KAZN: variants seen among roughly 807,000 people sequenced by gnomAD.
The protein encoded by KAZN is kazrin.
KAZN carries 40 observed loss-of-function variants against 87.4 expected under a neutral mutation model. The ratio of observed to expected loss-of-function variants is 0.46; its 90% CI spans 0.36 to 0.60. The LOEUF (loss-of-function observed/expected upper bound fraction) is 0.60, where lower values mean the gene tolerates loss of function less well. Ranked by LOEUF, KAZN falls within the 20% of genes least tolerant of loss-of-function variation. KAZN has a pLI of 0.00. For synonymous variants in KAZN, 466 were observed against 458.3 expected, an observed-to-expected ratio of 1.02 and a Z score of -0.22; for missense variants, 898 against 1,073.9, an observed-to-expected ratio of 0.84 and a Z score of 2.29.
At position 13,969,746 on chromosome 1, in the gene KAZN, C is replaced by T. The variant is rs568212525; in HGVS notation, c.91+75990C>T. Among the ~76,000 whole-genome samples, 3 of 152,232 alleles carry T rather than the reference C, an allele frequency of 2.0e-5. No homozygotes were observed. In the East Asian group the frequency reaches 5.8e-4, roughly 29 times the overall value. ...GGCTGAGGTTCCATGTGACACCAGT[C>T]TTCACTTGGATAGGAAATGACTAGG... On this transcript the variant is annotated intron_variant, in intron 1 of 16. Coordinates refer to the KAZN transcript ENST00000636203.
At chr1:14,818,126 T>A (rs1319881354) in intron 1 of KAZN, among the ~76,000 whole-genome samples, 1 of 152,256 alleles carries the variant, frequency 6.6e-6, no homozygotes, top group African/African-American at 2.4e-5. Flanking sequence ...CTCACCTTAA[T>A]TGCTGCTGGG....
rs1392496510 is a variant in KAZN, at chr1:14,599,526, C to T, written c.226+303C>T. 6.6e-6 allele frequency among the ~76,000 whole-genome samples: 1 copy of T among 152,154 alleles called. No homozygotes were observed. The highest frequency in any genetic ancestry group is 2.4e-5 in the African/African-American group (1 of 41,462). On this transcript the variant is annotated intron_variant, in intron 1 of 14. Coordinates refer to ENST00000376030, the MANE Select transcript of KAZN (RefSeq NM_201628.3). The surrounding 1 kb of genome is among the most constrained non-coding windows in gnomAD (Gnocchi z 4.4). Reference sequence around the variant, plus strand: ...TCAGAAAGTGCCCTTTCCGTGGCACCAGCCCCCTAGCTCCGTGCAAACTTT... The same window carrying T: ...TCAGAAAGTGCCCTTTCCGTGGCACTAGCCCCCTAGCTCCGTGCAAACTTT...
At chr1:14,399,406 T>C (rs529192227) in intron 2 of KAZN, among the ~76,000 whole-genome samples, 1 of 152,240 alleles carries the variant, frequency 6.6e-6, no homozygotes, top group East Asian at 1.9e-4. Context: ...TCTTAGGTAG[T>C]AGTGTTCTAT....
chr1:13,942,344 T>A (rs890032100), intron 1 of KAZN, among the ~76,000 whole-genome samples: 8 of 150,228 alleles, frequency 5.3e-5, no homozygotes, highest in Non-Finnish European at 1.2e-4. Flanking sequence ...ATCGAGACCA[T>A]CCTGGCTAAC....
intron 1 of KAZN, among the ~76,000 whole-genome samples, chr1:14,082,820 T>C (rs1643730339): frequency 6.6e-6 from 1 of 152,230 alleles, no homozygotes; most frequent in Non-Finnish European, 1.5e-5. Context: ...CAGATTGGTC[T>C]CACCTCTCTA....
chr1:14,534,576 C>T (rs953292590), intron 2 of KAZN, among the ~76,000 whole-genome samples: 13 of 152,004 alleles, frequency 8.6e-5, no homozygotes, highest in Admixed American at 2.6e-4. Context: ...ACCCAGGAGG[C>T]GGAGGTTGCA....
chr1:14,359,369 T>C (rs1557661610), intron 2 of KAZN, among the ~76,000 whole-genome samples: 1 of 152,170 alleles, frequency 6.6e-6, no homozygotes, highest in Admixed American at 6.5e-5. Context: ...AGCACACTGA[T>C]GGGTCTTGAC....
chr1:14,938,559 A>G lies in KAZN; in HGVS notation c.227-22125A>G, dbSNP rs1269659467. On this transcript the variant is annotated intron_variant, in intron 1 of 14. Transcript: ENST00000376030. ...CTCCATCTCAAAAAAAAAAAAAAAA[A>G]GGGTGCTGGAGTGATATAAGACTCA... Among the ~76,000 whole-genome samples the G allele has an allele frequency of 1.3e-4, 18 of 136,282 alleles. 1 individual carries two copies. Among genetic ancestry groups the G allele is most frequent in the South Asian group, 9.4e-4 (4 of 4,276 alleles). 89.4% of individuals were successfully genotyped at this position (136,282 alleles called of 152,430 possible).
At chr1:14,796,763 G>A (rs1181805002) in intron 1 of KAZN, among the ~76,000 whole-genome samples, 3 of 152,304 alleles carry the variant, frequency 2.0e-5, no homozygotes, top group Non-Finnish European at 4.4e-5. Context: ...TGAAGGAGTG[G>A]GAAAGGAAGG....
chr1:14,600,468 C>G (rs560672951), intron 1 of KAZN, among the ~76,000 whole-genome samples: 1 of 152,208 alleles, frequency 6.6e-6, no homozygotes, highest in South Asian at 2.1e-4. Context: ...AATTCCAAGT[C>G]AGATCTTAAC....
intron 1 of KAZN, among the ~76,000 whole-genome samples, chr1:14,848,238 C>T (rs1421064857): frequency 6.6e-6 from 1 of 152,050 alleles, no homozygotes; most frequent in Non-Finnish European, 1.5e-5. Flanking sequence ...CTCTGACCTT[C>T]TCCTTCTCCC....
chr1:14,529,591 G>C (rs1672102382), intron 2 of KAZN, among the ~76,000 whole-genome samples: 1 of 152,150 alleles, frequency 6.6e-6, no homozygotes, highest in African/African-American at 2.4e-5. Context: ...CCAGTGTGGA[G>C]AGGACAGAAA....
intron 8 of KAZN, among the ~76,000 whole-genome samples, chr1:15,068,306 C>T (rs573229231): frequency 1.7e-4 from 26 of 151,930 alleles, no homozygotes; most frequent in African/African-American, 5.8e-4. Flanking sequence ...TGGCTGGATT[C>T]GGGGCCCTTG....
chr1:14,455,064 A>AGG (rs1667491107), intron 2 of KAZN, among the ~76,000 whole-genome samples: 1 of 151,696 alleles, frequency 6.6e-6, no homozygotes, highest in Non-Finnish European at 1.5e-5. Context: ...CCAGAGAAAG[A>AGG]GATCCAAGAA....
intron 2 of KAZN, among the ~76,000 whole-genome samples, chr1:14,299,810 TC>T (rs1284603639): frequency 2.6e-5 from 4 of 152,278 alleles, no homozygotes; most frequent in African/African-American, 7.2e-5. Flanking sequence ...TTACTAAAGT[TC>T]ATTAGCCAAA....
At chr1:14,699,509 G>A (rs1248024505) in intron 1 of KAZN, among the ~76,000 whole-genome samples, 1 of 152,198 alleles carries the variant, frequency 6.6e-6, no homozygotes, top group Non-Finnish European at 1.5e-5. Context: ...GGCTACAGTG[G>A]GACAGGGACA....
intron 2 of KAZN, among the ~76,000 whole-genome samples, chr1:14,196,239 G>A (rs530643381): frequency 1.3e-5 from 2 of 152,148 alleles, no homozygotes; most frequent in Non-Finnish European, 2.9e-5. Context: ...CTTTGAAGGA[G>A]TCTGGCTTTT....
At chr1:14,674,104 A>G (rs546914710) in intron 1 of KAZN, among the ~76,000 whole-genome samples, 185 of 152,348 alleles carry the variant, frequency 1.2e-3, no homozygotes, top group African/African-American at 3.7e-3. Flanking sequence ...AACTTGCTCA[A>G]AGGTGAACAG....
Position 15,075,335 on chromosome 1 carries a change from C to T in KAZN, c.1222+9582C>T, listed in dbSNP as rs79728127. On this transcript the variant is annotated intron_variant, in intron 8 of 14. Coordinates refer to ENST00000376030, the MANE Select transcript of KAZN (RefSeq NM_201628.3). ...TTGGAAACACTGCATCATATCTCCA[C>T]CCCTTATAGATCAGCACAACCCTTT... 1.4e-3 allele frequency among the ~76,000 whole-genome samples: 214 copies of T among 152,316 alleles called. 3 individuals are homozygous for T. The East Asian group carries it at 0.023, about 16-fold the overall frequency.
Sources: allele counts gnomAD v4.1 joint callset (sites outside exome capture counted in the v4.1 genomes callset), GRCh38; gene constraint gnomAD v4.1.1; non-coding constraint Gnocchi (gnomAD v3.1); transcripts MANE v1.5; gene names NCBI Gene and HGNC (gene_info 2026-07-23, HGNC 2026-07-21).